The following ESR1 variants were observed in gnomAD, a reference collection of about 807,000 sequenced individuals.
The protein encoded by ESR1 is estrogen receptor 1.
ESR1 carries 12 observed loss-of-function variants against 52.7 expected under a neutral mutation model. The observed-to-expected ratio is 0.23, with a 90% confidence interval of 0.15 to 0.37. The LOEUF (loss-of-function observed/expected upper bound fraction) is 0.37, where lower values mean the gene tolerates loss of function less well. Among genes scored for constraint, ESR1 ranks in the 10% least tolerant of loss-of-function variants. ESR1 has a pLI of 1.00. For synonymous variants in ESR1, 305 were observed against 316.8 expected (o/e 0.96, Z 0.39); for missense variants, 584 against 779.7 (o/e 0.75, Z 2.99).
chr6:151,954,497 C>G (rs1367223142), intron 4 of ESR1, among the ~76,000 whole-genome samples: 1 of 152,166 alleles, frequency 6.6e-6, no homozygotes, highest in African/African-American at 2.4e-5. Context: ...TAAAGTTTCT[C>G]TTTGTAGTGT....
intron 2 of ESR1, among the ~76,000 whole-genome samples, chr6:151,859,077 AG>A (rs1275300410): frequency 6.6e-6 from 1 of 152,180 alleles, no homozygotes; most frequent in Admixed American, 6.5e-5. Flanking sequence ...TAGATATGGA[AG>A]GGTCAGAAAA....
chr6:151,980,178 A>G (rs962060253), intron 4 of ESR1, among the ~76,000 whole-genome samples: 1 of 152,206 alleles, frequency 6.6e-6, no homozygotes, highest in Non-Finnish European at 1.5e-5. Context: ...GTTGCTTGCT[A>G]ATTTTACCAG....
intron 4 of ESR1, among the ~76,000 whole-genome samples, chr6:151,954,252 C>T (rs1469967693): frequency 6.6e-6 from 1 of 152,166 alleles, no homozygotes; most frequent in African/African-American, 2.4e-5. Flanking sequence ...AACATTCTCC[C>T]TTGTAAGTAA....
At chr6:151,868,173 G>A (rs1201349428) in intron 2 of ESR1, among the ~76,000 whole-genome samples, 1 of 151,982 alleles carries the variant, frequency 6.6e-6, no homozygotes, top group East Asian at 1.9e-4. Context: ...TGTCACCCAG[G>A]CTAGAGTGCA....
intron 3 of ESR1, among the ~76,000 whole-genome samples, chr6:151,928,822 G>A (rs564668774): frequency 4.4e-4 from 67 of 151,798 alleles, no homozygotes; most frequent in African/African-American, 1.4e-3. Flanking sequence ...TGACTCATAC[G>A]TTCTTTAAAA....
At chr6:151,704,240 T>A (rs988294773) in intron 2 of ESR1, among the ~76,000 whole-genome samples, 4 of 152,168 alleles carry the variant, frequency 2.6e-5, no homozygotes, top group Non-Finnish European at 4.4e-5. Flanking sequence ...TCTTTTTTTG[T>A]TTTGTTTTAT....
chr6:151,719,882 G>A (rs1367825375), intron 2 of ESR1, among the ~76,000 whole-genome samples: 1 of 152,178 alleles, frequency 6.6e-6, no homozygotes, highest in Non-Finnish European at 1.5e-5. Context: ...GCTCACGTTA[G>A]CAACTGAGTA....
intron 1 of ESR1, among the ~76,000 whole-genome samples, chr6:151,658,117 C>A (rs1292342534): frequency 6.6e-6 from 1 of 152,198 alleles, no homozygotes; most frequent in African/African-American, 2.4e-5. Flanking sequence ...CTAAGCAATT[C>A]TCCCATCACC....
Position 151,823,782 on chromosome 6 carries a change from C to G in ESR1, c.452+15418C>G, listed in dbSNP as rs547323407. The stretch of plus-strand genomic sequence containing the variant: ...TGATGGTTTCCAGCTTCATCCATGT[C>G]CCTACAAAGAACATGAACTCATCCT... On this transcript the variant is annotated intron_variant, in intron 1 of 7. Transcript: ENST00000206249. Among the ~76,000 whole-genome samples, 713 of 152,280 alleles carry G rather than the reference C, an allele frequency of 4.7e-3. 4 individuals carry two copies. Among genetic ancestry groups the G allele is most frequent in the African/African-American group, 0.016 (666 of 41,554 alleles).
intron 4 of ESR1, among the ~76,000 whole-genome samples, chr6:151,993,301 T>A (rs1234506768): frequency 6.6e-6 from 1 of 152,182 alleles, no homozygotes; most frequent in African/African-American, 2.4e-5. Flanking sequence ...GCTGACATAC[T>A]GTCCAATGAG....
intron 2 of ESR1, among the ~76,000 whole-genome samples, chr6:151,773,075 T>A (rs778279409): frequency 1.4e-4 from 22 of 152,146 alleles, no homozygotes; most frequent in Non-Finnish European, 2.8e-4. Context: ...ACAGGGTTAA[T>A]GGAATTAAAA....
At chr6:151,783,509 T>C (rs1786744334) in intron 2 of ESR1, among the ~76,000 whole-genome samples, 1 of 152,238 alleles carries the variant, frequency 6.6e-6, no homozygotes, top group Non-Finnish European at 1.5e-5. Context: ...ACAATCTCTG[T>C]ATGTGCCTAT....
At chr6:152,005,072 C>A (rs1217814212) in intron 4 of ESR1, among the ~76,000 whole-genome samples, 3 of 151,968 alleles carry the variant, frequency 2.0e-5, no homozygotes, top group Admixed American at 2.0e-4. Flanking sequence ...GAGTTTTGTT[C>A]TGTCTATCCC....
chr6:152,033,172 A>G (rs9383604), intron 5 of ESR1, among the ~76,000 whole-genome samples: 59,293 of 151,488 alleles, frequency 0.39, 13,740 homozygotes, highest in African/African-American at 0.64. Flanking sequence ...ATGTTAGATC[A>G]AAAACCATAA....
intron 1 of ESR1, chr6:151,690,713 T>C (rs1251191998): frequency 6.6e-6 from 1 of 152,248 alleles, no homozygotes; most frequent in African/African-American, 2.4e-5. Flanking sequence ...TTTGATATAA[T>C]GTGCTACTGT....
intron 1 of ESR1, chr6:151,813,481 T>A (rs2128171669): frequency 6.6e-6 from 1 of 152,342 alleles, no homozygotes; most frequent in South Asian, 2.1e-4. Flanking sequence ...ATGTTCATCC[T>A]ATACAGAAAT....
intron 2 of ESR1, among the ~76,000 whole-genome samples, chr6:151,758,004 TG>T (rs1339716401): frequency 6.6e-6 from 1 of 152,222 alleles, no homozygotes; most frequent in African/African-American, 2.4e-5. Flanking sequence ...AACTGTAAAG[TG>T]GCTTATACAA....
upstream of ESR1, among the ~76,000 whole-genome samples, chr6:151,801,577 T>G (rs1777248849): frequency 6.6e-6 from 1 of 152,222 alleles, no homozygotes; most frequent in African/African-American, 2.4e-5. Context: ...GCGTGATTCT[T>G]GGTCACAAAT....
chr6:151,760,646 C>T (rs924939213), intron 2 of ESR1, among the ~76,000 whole-genome samples: 6 of 152,186 alleles, frequency 3.9e-5, no homozygotes, highest in African/African-American at 1.4e-4. Flanking sequence ...TTAATGCTCT[C>T]TGGTAAGACA....
Sources: allele counts gnomAD v4.1 joint callset (sites outside exome capture counted in the v4.1 genomes callset), GRCh38; gene constraint gnomAD v4.1.1; transcripts MANE v1.5; gene names NCBI Gene and HGNC (gene_info 2026-07-23, HGNC 2026-07-21).